The following SLC17A8 variants were observed in gnomAD, a reference collection of about 807,000 sequenced individuals.
SLC17A8 encodes the protein solute carrier family 17 member 8, also known as vesicular glutamate transporter 3.
SLC17A8 carries 31 observed loss-of-function variants against 58.0 expected under a neutral mutation model. The observed-to-expected ratio is 0.53, with a 90% confidence interval of 0.40 to 0.72. The LOEUF (loss-of-function observed/expected upper bound fraction) is 0.72. Among genes scored for constraint, SLC17A8 ranks in the 30% least tolerant of loss-of-function variants. The probability of loss-of-function intolerance (pLI) is 0.00; values close to 1 mark genes in which losing one functional copy is unlikely to be tolerated. For synonymous variants in SLC17A8, 228 were observed against 249.0 expected, an observed-to-expected ratio of 0.92 and a Z score of 0.79; for missense variants, 655 against 727.8, an observed-to-expected ratio of 0.90 and a Z score of 1.15.
intron 1 of SLC17A8, among the ~76,000 whole-genome samples, chr12:100,377,301 A>G (rs1952601064): frequency 6.6e-6 from 1 of 152,060 alleles, no homozygotes; most frequent in Admixed American, 6.6e-5. Flanking sequence ...AATAGCTGGT[A>G]TATGTTGCTT....
intron 2 of SLC17A8, among the ~76,000 whole-genome samples, chr12:100,381,440 C>A (rs7957050): frequency 0.021 from 3,205 of 152,202 alleles, 107 homozygotes; most frequent in East Asian, 0.12. Flanking sequence ...TAGGAGAGGG[C>A]ACAGCCCAGA....
At chr12:100,363,615 C>A (rs922304673) in intron 1 of SLC17A8, among the ~76,000 whole-genome samples, 8 of 152,118 alleles carry the variant, frequency 5.3e-5, no homozygotes, top group Admixed American at 5.2e-4. Flanking sequence ...ATCCACCCGC[C>A]TTGGCCTCCC....
chr12:100,386,331 G>T (rs887900587), intron 2 of SLC17A8, among the ~76,000 whole-genome samples: 1 of 152,068 alleles, frequency 6.6e-6, no homozygotes, highest in Non-Finnish European at 1.5e-5. Flanking sequence ...TAACATGAGA[G>T]CTACTGTTTT....
chr12:100,379,238 C>T (rs1218160501), intron 1 of SLC17A8, among the ~76,000 whole-genome samples: 1 of 151,816 alleles, frequency 6.6e-6, no homozygotes, highest in Non-Finnish European at 1.5e-5. Flanking sequence ...AGATCGAAAC[C>T]ATCCTGGCTA....
At chr12:100,366,672 T>G (rs1418050299) in intron 1 of SLC17A8, among the ~76,000 whole-genome samples, 1 of 152,218 alleles carries the variant, frequency 6.6e-6, no homozygotes, top group Non-Finnish European at 1.5e-5. Flanking sequence ...TCCTTCAGTC[T>G]TTGGATTCTG....
Position 100,419,891 on chromosome 12 carries a change from T to C in SLC17A8, c.1502T>C (p.Phe501Ser). The C allele has an allele frequency of 1.2e-6, 2 of 1,614,080 alleles. No homozygotes were observed. The highest frequency in any genetic ancestry group is 1.7e-6 in the Non-Finnish European group (2 of 1,180,020). Reference protein sequence around the residue: ...HYSGVIFYGVFASGEKQEWAD... With the variant: ...HYSGVIFYGVSASGEKQEWAD... ...AGTGGTGTGATCTTCTATGGGGTCT[T>C]TGCTTCTGGGGAGAAACAGGAGTGG... The change falls in exon 12 of 12, where the codon TTT becomes TCT. Residue 501 changes from phenylalanine to serine, a missense_variant. By Grantham distance (155) the Phe-to-Ser change is radical (BLOSUM62 -2). Transcript: ENST00000323346.
At chr12:100,416,516 A>G (rs1952907568) in intron 10 of SLC17A8, among the ~76,000 whole-genome samples, 1 of 152,014 alleles carries the variant, frequency 6.6e-6, no homozygotes, top group Admixed American at 6.5e-5. Flanking sequence ...GAACAAAAAA[A>G]TGTTTTAAGT....
rs755316550 is a variant in SLC17A8 at position 100,357,508 on chromosome 12, G to A, written c.101+16G>A. ...TTTTACAAAGGTAAAGTTTGAATGC[G>A]AACTTTAGTTCCTTTCTGAGTAGCT... On this transcript the variant is annotated intron_variant, in intron 1 of 11. Coordinates refer to ENST00000323346, the MANE Select transcript of SLC17A8 (RefSeq NM_139319.3). The A allele has an allele frequency of 1.3e-5, 19 of 1,505,590 alleles. No individual in the cohort carries two copies. Among genetic ancestry groups the A allele is most frequent in the African/African-American group, 8.2e-5 (6 of 72,764 alleles). 93.3% of individuals were successfully genotyped at this position (1,505,590 alleles called of 1,614,324 possible).
In SLC17A8 at chr12:100,358,992, A is replaced by G. The variant is rs114450704; in HGVS notation, c.101+1500A>G. Among the ~76,000 whole-genome samples the G allele has an allele frequency of 2.4e-3, 366 of 152,194 alleles. 3 individuals are homozygous for G. The highest frequency in any genetic ancestry group is 8.5e-3 in the African/African-American group (352 of 41,526). On this transcript the variant is annotated intron_variant, in intron 1 of 11. Coordinates refer to ENST00000323346, the MANE Select transcript of SLC17A8 (RefSeq NM_139319.3). ...CCATGTCTCTACAGAAATACAAAAA[A>G]TTAGCCAGCATGATGGTGCATGCCT...
Position 100,420,472 on chromosome 12 carries a change from G to A in SLC17A8, c.*313G>A, listed in dbSNP as rs1952941226. 1 of 293,374 alleles carries A rather than the reference G, an allele frequency of 3.4e-6. No individual in the cohort carries two copies. The highest frequency in any genetic ancestry group is 4.6e-5 in the Admixed American group (1 of 21,664). 18.2% of individuals were successfully genotyped at this position (293,374 alleles called of 1,614,324 possible). A position where few individuals can be genotyped will look rare whatever the true frequency, so the allele number is the denominator to read the frequency against. Reference sequence around the variant, plus strand: ...ATACCATGTTGTTCAAAGAAACATTGAAGGAAATTGGGATGTTTGGCCAGA... The same window carrying A: ...ATACCATGTTGTTCAAAGAAACATTAAAGGAAATTGGGATGTTTGGCCAGA... On this transcript the variant is annotated 3_prime_UTR_variant, in exon 12 of 12. Coordinates refer to ENST00000323346, the MANE Select transcript of SLC17A8 (RefSeq NM_139319.3).
At chr12:100,377,031 A>G (rs1952599491) in intron 1 of SLC17A8, among the ~76,000 whole-genome samples, 1 of 152,098 alleles carries the variant, frequency 6.6e-6, no homozygotes, top group Non-Finnish European at 1.5e-5. Context: ...TCTGGTCTCG[A>G]ACTCCTGACC....
intron 1 of SLC17A8, among the ~76,000 whole-genome samples, chr12:100,360,743 A>G (rs1952478924): frequency 6.6e-6 from 1 of 152,206 alleles, no homozygotes; most frequent in African/African-American, 2.4e-5. Context: ...TACCCCTGTA[A>G]TCAAGTGTCT....
intron 2 of SLC17A8, among the ~76,000 whole-genome samples, chr12:100,385,859 T>G (rs901176272): frequency 2.6e-5 from 4 of 152,170 alleles, no homozygotes; most frequent in Admixed American, 2.6e-4. Context: ...TAAATCAAGG[T>G]GTTGGCAGCA....
At chr12:100,402,801 A>G in intron 8 of SLC17A8, 56 bp downstream of exon 8, 2 of 1,514,568 alleles carry the variant, frequency 1.3e-6, no homozygotes, top group Non-Finnish European at 1.8e-6. Context: ...GATTCTACAG[A>G]GAATAACTTT....
At chr12:100,358,926 G>T (rs1339730754) in intron 1 of SLC17A8, among the ~76,000 whole-genome samples, 1 of 152,198 alleles carries the variant, frequency 6.6e-6, no homozygotes, top group Non-Finnish European at 1.5e-5. Context: ...AGGATCGCTT[G>T]AGGCCAGAAG....
At chr12:100,404,911 T>C (rs1952816186) in intron 9 of SLC17A8, among the ~76,000 whole-genome samples, 1 of 152,188 alleles carries the variant, frequency 6.6e-6, no homozygotes, top group Non-Finnish European at 1.5e-5. Flanking sequence ...CCAAAGCTCT[T>C]AGTTTGCGGC....
chr12:100,385,408 G>A (rs550506815), intron 2 of SLC17A8, among the ~76,000 whole-genome samples: 42 of 151,826 alleles, frequency 2.8e-4, no homozygotes, highest in Non-Finnish European at 4.4e-4. Context: ...GCTAATTTTC[G>A]TATTTTAAAA....
At chr12:100,362,218 G>A (rs929759749) in intron 1 of SLC17A8, among the ~76,000 whole-genome samples, 5 of 151,996 alleles carry the variant, frequency 3.3e-5, no homozygotes, top group Non-Finnish European at 7.4e-5. Flanking sequence ...CCTCATGCCA[G>A]GACTAGAAGC....
chr12:100,397,834 T>C (rs2136001130), intron 5 of SLC17A8, among the ~76,000 whole-genome samples: 1 of 151,682 alleles, frequency 6.6e-6, no homozygotes, highest in Non-Finnish European at 1.5e-5. Context: ...TCCCAGCTAC[T>C]CAGGAGGCCA....
Sources: gnomAD v4.1 joint callset for allele counts (sites outside exome capture counted in the v4.1 genomes callset) on GRCh38, gnomAD v4.1.1 for gene constraint, MANE v1.5 for transcripts, NCBI Gene and HGNC (gene_info 2026-07-23, HGNC 2026-07-21) for gene names.